Variants in ZNRF1 observed in about 807,000 individuals in gnomAD.
ZNRF1 encodes E3 ubiquitin-protein ligase ZNRF1.
In ZNRF1, 3 loss-of-function variants were observed where a neutral mutation model predicts 18.4. That is an observed-to-expected ratio of 0.16 (90% confidence interval 0.07 to 0.42). The LOEUF is 0.42. ZNRF1 is among the 10% of genes least tolerant of loss of function. The pLI is 0.99. For missense variants in ZNRF1, 310 were observed against 329.8 expected, an observed-to-expected ratio of 0.94 and a Z score of 0.47; for synonymous variants, 157 against 144.2, an observed-to-expected ratio of 1.09 and a Z score of -0.64.
chr16:75,047,268 G>A (rs2035527677), intron 1 of ZNRF1, among the ~76,000 whole-genome samples: 1 of 152,044 alleles, frequency 6.6e-6, no homozygotes, highest in Non-Finnish European at 1.5e-5. Flanking sequence ...GAACTCCTGG[G>A]CTCAAGCAGT....
intron 1 of ZNRF1, among the ~76,000 whole-genome samples, chr16:75,081,405 T>C (rs1229632181): frequency 6.6e-6 from 1 of 152,160 alleles, no homozygotes; most frequent in Non-Finnish European, 1.5e-5. Flanking sequence ...ACAAATCCCT[T>C]GGGAGTGGTA....
At chr16:75,056,978 C>G (rs1011581654) in intron 1 of ZNRF1, among the ~76,000 whole-genome samples, 1 of 152,170 alleles carries the variant, frequency 6.6e-6, no homozygotes, top group Non-Finnish European at 1.5e-5. Context: ...TCTCCTGATG[C>G]ATTCAGGCCT....
chr16:75,025,874 G>A (rs2035216107), intron 1 of ZNRF1, among the ~76,000 whole-genome samples: 1 of 151,916 alleles, frequency 6.6e-6, no homozygotes, highest in Non-Finnish European at 1.5e-5. Context: ...ACACCAGGCA[G>A]TGGGGGGACG....
At chr16:75,000,654 G>A (rs1404148304) in intron 1 of ZNRF1, among the ~76,000 whole-genome samples, 3 of 152,358 alleles carry the variant, frequency 2.0e-5, no homozygotes, top group Admixed American at 1.3e-4. Flanking sequence ...GCAGGCGGCT[G>A]GCATAGACAG....
At chr16:75,018,104 C>T (rs2035094566) in intron 1 of ZNRF1, among the ~76,000 whole-genome samples, 1 of 152,188 alleles carries the variant, frequency 6.6e-6, no homozygotes, top group Non-Finnish European at 1.5e-5. Context: ...AGCATATCCA[C>T]ATCACTCACA....
intron 1 of ZNRF1, among the ~76,000 whole-genome samples, chr16:75,065,221 C>T (rs1040054650): frequency 4.6e-5 from 7 of 152,176 alleles, no homozygotes; most frequent in Middle Eastern, 3.2e-3. Flanking sequence ...GGAGGCTGTT[C>T]ACTTCTTACT....
In ZNRF1 at chr16:75,061,646, C is replaced by G. The variant is rs1216611952; in HGVS notation, c.425-31926C>G. Among the ~76,000 whole-genome samples, 24 of 152,212 alleles carry G rather than the reference C, an allele frequency of 1.6e-4. No individual in the cohort carries two copies. The South Asian group carries it at 3.7e-3, about 24-fold the overall frequency. ...AACATTCATCTGTTGATGGACAGCTCTGATATTTTTGCCAGCAGTTTTGTG... is the reference window on the plus strand; with the variant it reads ...AACATTCATCTGTTGATGGACAGCTGTGATATTTTTGCCAGCAGTTTTGTG... On this transcript the variant is annotated intron_variant, in intron 1 of 4. Transcript: ENST00000335325.
chr16:75,035,742 C>T (rs954991272), intron 1 of ZNRF1, among the ~76,000 whole-genome samples: 7 of 152,142 alleles, frequency 4.6e-5, no homozygotes, highest in Admixed American at 2.0e-4. Flanking sequence ...GTTGGCTGTC[C>T]GCATGCGCAG....
chr16:75,041,869 G>A (rs752514127), intron 1 of ZNRF1, among the ~76,000 whole-genome samples: 1 of 151,616 alleles, frequency 6.6e-6, no homozygotes, highest in African/African-American at 2.4e-5. Flanking sequence ...GGTGGCAGAC[G>A]CCTATAATCC....
intron 1 of ZNRF1, among the ~76,000 whole-genome samples, chr16:75,073,118 ATCTCTCTCTC>A (rs374451771): frequency 3.1e-5 from 4 of 128,370 alleles, no homozygotes; most frequent in African/African-American, 1.2e-4. Context: ...GTGAGACCCC[ATCTCTCTCTC>A]TCTCTCTCTC....
chr16:75,066,326 G>C (rs889663277), intron 1 of ZNRF1, among the ~76,000 whole-genome samples: 2 of 152,156 alleles, frequency 1.3e-5, no homozygotes, highest in African/African-American at 4.8e-5. Flanking sequence ...CAACATCAGA[G>C]ACCCTGTTAC....
chr16:75,034,580 G>A (rs1460827301), intron 1 of ZNRF1, among the ~76,000 whole-genome samples: 1 of 152,138 alleles, frequency 6.6e-6, no homozygotes, highest in Non-Finnish European at 1.5e-5. Flanking sequence ...CTGTGAACAC[G>A]AATATACAAA....
intron 1 of ZNRF1, among the ~76,000 whole-genome samples, chr16:75,028,633 C>T (rs2035256818): frequency 6.6e-6 from 1 of 152,224 alleles, no homozygotes; most frequent in South Asian, 2.1e-4. Flanking sequence ...CTCAAGAATT[C>T]TCTTTTCTTG....
intron 1 of ZNRF1, among the ~76,000 whole-genome samples, chr16:75,048,708 C>G (rs943119329): frequency 2.6e-5 from 4 of 152,138 alleles, no homozygotes; most frequent in Non-Finnish European, 5.9e-5. Context: ...ATGTGTCCTT[C>G]CCACTGCATC....
At chr16:75,014,537 ATCTAT>A (rs1282209647) in intron 1 of ZNRF1, among the ~76,000 whole-genome samples, 9 of 152,258 alleles carry the variant, frequency 5.9e-5, no homozygotes, top group Non-Finnish European at 1.2e-4. Context: ...TGATCTATTG[ATCTAT>A]TCTGTTATCA....
rs150575738 is a variant in ZNRF1, at chr16:75,011,433, A to G, written c.424+11338A>G. ...TTTTTTTCAGAGACAAGGTCTCACT[A>G]TGTTGCCCAGGCTGGACATGAACTC... On this transcript the variant is annotated intron_variant, in intron 1 of 4. Coordinates refer to ENST00000335325, the MANE Select transcript of ZNRF1 (RefSeq NM_032268.5). 4.7e-3 allele frequency among the ~76,000 whole-genome samples: 719 copies of G among 152,216 alleles called. 8 individuals carry two copies. Among genetic ancestry groups the G allele is most frequent in the African/African-American group, 0.017 (689 of 41,520 alleles).
At chr16:75,082,860 A>G (rs549826292) in intron 1 of ZNRF1, among the ~76,000 whole-genome samples, 1 of 152,300 alleles carries the variant, frequency 6.6e-6, no homozygotes, top group South Asian at 2.1e-4. Context: ...GGCCAGGAAT[A>G]AATTGATTGG....
In ZNRF1 at chr16:75,090,572, C is replaced by T. The variant is rs546623338; in HGVS notation, c.425-3000C>T. ...TATAACCACCCAGAGGTTAGAAATA[C>T]AGCCCTTTCCCGAAGCTCCACCAAA... On this transcript the variant is annotated intron_variant, in intron 1 of 4. Transcript: ENST00000335325. 4.6e-5 allele frequency among the ~76,000 whole-genome samples: 7 copies of T among 152,264 alleles called. No individual in the cohort carries two copies. In the East Asian group the frequency reaches 1.2e-3, roughly 25 times the overall value.
Position 75,030,833 on chromosome 16 carries a change from C to CTTTTTTTT in ZNRF1, c.424+30753_424+30760dup, listed in dbSNP as rs59468839. Among the ~76,000 whole-genome samples, 34 of 91,412 alleles carry CTTTTTTTT rather than the reference C, an allele frequency of 3.7e-4. 3 individuals are homozygous for CTTTTTTTT. Among genetic ancestry groups the CTTTTTTTT allele is most frequent in the Non-Finnish European group, 3.8e-4 (17 of 45,088 alleles). The allele number at this position is 91,412 out of a possible 152,430, so 60.0% of individuals were successfully genotyped here. A position where few individuals can be genotyped will look rare whatever the true frequency, so the allele number is the denominator to read the frequency against. ...CATTGTAGCATGCAGCACTTTATTCCTTTTTTTTTTTTTTTTTTTTTTGTT... is the reference window on the plus strand; with the variant it reads ...CATTGTAGCATGCAGCACTTTATTCCTTTTTTTTTTTTTTTTTTTTTTTTTTTTTTGTT... On this transcript the variant is annotated intron_variant, in intron 1 of 4. Coordinates refer to ENST00000335325, the MANE Select transcript of ZNRF1 (RefSeq NM_032268.5).
Sources: gnomAD v4.1 joint callset for allele counts (sites outside exome capture counted in the v4.1 genomes callset) on GRCh38, gnomAD v4.1.1 for gene constraint, MANE v1.5 for transcripts, NCBI Gene and HGNC (gene_info 2026-07-23, HGNC 2026-07-21) for gene names.